Variants in PDE10A observed in about 807,000 individuals in gnomAD.
The protein encoded by PDE10A is phosphodiesterase 10A, also known as cAMP and cAMP-inhibited cGMP 3',5'-cyclic phosphodiesterase 10A.
PDE10A carries 39 observed loss-of-function variants against 97.7 expected under a neutral mutation model. That is an observed-to-expected ratio of 0.40 (90% confidence interval 0.31 to 0.52). The LOEUF is 0.52. Ranked by LOEUF, PDE10A falls within the 20% of genes least tolerant of loss-of-function variation. The pLI is 0.56. For synonymous variants in PDE10A, 371 were observed against 376.8 expected, an observed-to-expected ratio of 0.98 and a Z score of 0.18; for missense variants, 731 against 1,047.8, an observed-to-expected ratio of 0.70 and a Z score of 4.17.
intron 1 of PDE10A, among the ~76,000 whole-genome samples, chr6:165,565,764 A>T (rs375031332): frequency 5.3e-5 from 8 of 152,230 alleles, no homozygotes; most frequent in African/African-American, 1.9e-4. Flanking sequence ...CAGAGAGCCT[A>T]TAAACAGACC....
intron 1 of PDE10A, among the ~76,000 whole-genome samples, chr6:165,808,761 A>C (rs1412099666): frequency 6.6e-6 from 1 of 152,234 alleles, no homozygotes; most frequent in Non-Finnish European, 1.5e-5. Context: ...CAGTTGACTT[A>C]TTCTACGGCA....
At chr6:165,379,633 C>T (rs141511692) in intron 17 of PDE10A, among the ~76,000 whole-genome samples, 2 of 152,062 alleles carry the variant, frequency 1.3e-5, no homozygotes, top group African/African-American at 4.8e-5. Flanking sequence ...CATAAAACCC[C>T]AGTGATTTAA....
At chr6:165,707,144 C>G (rs1791730273) in intron 1 of PDE10A, among the ~76,000 whole-genome samples, 1 of 152,232 alleles carries the variant, frequency 6.6e-6, no homozygotes, top group Non-Finnish European at 1.5e-5. Flanking sequence ...ATTTGACCCT[C>G]AAAGTAGCTG....
intron 12 of PDE10A, among the ~76,000 whole-genome samples, chr6:165,414,006 T>C (rs1788114082): frequency 6.6e-6 from 1 of 152,174 alleles, no homozygotes; most frequent in Non-Finnish European, 1.5e-5. Flanking sequence ...AAACGTGGAT[T>C]CAGAGGAGAA....
At chr6:165,592,469 A>T (rs2128386306) in intron 1 of PDE10A, among the ~76,000 whole-genome samples, 1 of 152,342 alleles carries the variant, frequency 6.6e-6, no homozygotes, top group South Asian at 2.1e-4. Context: ...ATTAAACTAA[A>T]GAGCTTCTGC....
At chr6:165,356,684 A>C (rs1343931759) in intron 18 of PDE10A, among the ~76,000 whole-genome samples, 1 of 152,184 alleles carries the variant, frequency 6.6e-6, no homozygotes, top group Non-Finnish European at 1.5e-5. Context: ...TCATCCAACT[A>C]AAACTGGTAA....
intron 1 of PDE10A, among the ~76,000 whole-genome samples, chr6:165,732,104 A>G (rs538038443): frequency 6.6e-6 from 1 of 152,364 alleles, no homozygotes; most frequent in South Asian, 2.1e-4. Flanking sequence ...CATGACCATC[A>G]GGAAGCTGAA....
rs780627171 is a variant in PDE10A at position 165,379,383 on chromosome 6, A to T, written c.2611-17T>A. Reference sequence around the variant, plus strand: ...CCCTTCCAACTAGGGAAAAAATACAAATAAAAACCACCAATAACAAGCACA... The same window carrying T: ...CCCTTCCAACTAGGGAAAAAATACATATAAAAACCACCAATAACAAGCACA... On this transcript the variant is annotated splice_polypyrimidine_tract_variant and intron_variant, in intron 17 of 21. Coordinates refer to ENST00000539869, the MANE Select transcript of PDE10A (RefSeq NM_001385079.1). 276 of 1,592,798 alleles carry T rather than the reference A, an allele frequency of 1.7e-4. 2 individuals are homozygous for T. The South Asian group carries it at 2.9e-3, about 17-fold the overall frequency.
chr6:165,680,311 C>T (rs1790940881), intron 1 of PDE10A, among the ~76,000 whole-genome samples: 1 of 152,150 alleles, frequency 6.6e-6, no homozygotes, highest in African/African-American at 2.4e-5. Flanking sequence ...GTTGCTGCCA[C>T]AAAAGCAAGA....
chr6:165,420,030 C>T (rs1788585021), intron 10 of PDE10A, among the ~76,000 whole-genome samples: 1 of 152,304 alleles, frequency 6.6e-6, no homozygotes, highest in East Asian at 1.9e-4. Context: ...TACGCAGGGA[C>T]TGAGTATACT....
intron 17 of PDE10A, among the ~76,000 whole-genome samples, chr6:165,382,743 A>G (rs1336916661): frequency 1.3e-5 from 2 of 151,960 alleles, no homozygotes; most frequent in African/African-American, 4.8e-5. Context: ...ATGATTGATG[A>G]TGATGATGAT....
chr6:165,883,154 T>C (rs1781533590), intron 1 of PDE10A, among the ~76,000 whole-genome samples: 1 of 152,184 alleles, frequency 6.6e-6, no homozygotes, highest in Non-Finnish European at 1.5e-5. Context: ...GAGAATTGCT[T>C]GAACCTGGGA....
intron 2 of PDE10A, among the ~76,000 whole-genome samples, chr6:165,499,213 G>C (rs1003028228): frequency 2.0e-5 from 3 of 152,196 alleles, no homozygotes; most frequent in Admixed American, 6.5e-5. Context: ...CTGATCAGGG[G>C]ACCAGGGGAC....
At chr6:165,334,467 C>T (rs1473222037) in intron 21 of PDE10A, among the ~76,000 whole-genome samples, 5 of 151,988 alleles carry the variant, frequency 3.3e-5, no homozygotes, top group Non-Finnish European at 5.9e-5. Flanking sequence ...GCCTCCATAG[C>T]GCCCTACAGC....
intron 1 of PDE10A, among the ~76,000 whole-genome samples, chr6:165,557,422 A>C (rs1239882403): frequency 1.3e-5 from 2 of 152,170 alleles, no homozygotes; most frequent in Non-Finnish European, 2.9e-5. Context: ...CATTTAGTAA[A>C]ATATTGTTTA....
At chr6:165,547,354 C>T (rs1348447578) in intron 1 of PDE10A, among the ~76,000 whole-genome samples, 1 of 152,040 alleles carries the variant, frequency 6.6e-6, no homozygotes, top group African/African-American at 2.4e-5. Flanking sequence ...TATTGATAGA[C>T]TGAATGATCA....
At chr6:165,884,499 A>G (rs894931558) in intron 1 of PDE10A, among the ~76,000 whole-genome samples, 3 of 152,216 alleles carry the variant, frequency 2.0e-5, no homozygotes, top group African/African-American at 7.2e-5. Context: ...AGTTGAAATC[A>G]GAAGCCACGG....
At chr6:165,343,735 G>A (rs774382030) in intron 18 of PDE10A, among the ~76,000 whole-genome samples, 7 of 152,168 alleles carry the variant, frequency 4.6e-5, no homozygotes, top group Non-Finnish European at 1.0e-4. Context: ...ATATGTTCCT[G>A]TTGCCTCAAT....
intron 1 of PDE10A, among the ~76,000 whole-genome samples, chr6:165,756,857 G>C (rs1184670007): frequency 6.6e-6 from 1 of 152,082 alleles, no homozygotes; most frequent in Non-Finnish European, 1.5e-5. Flanking sequence ...CGGCATCTCA[G>C]TGAGGGAGAA....
Sources: gnomAD v4.1 joint callset for allele counts (sites outside exome capture counted in the v4.1 genomes callset) on GRCh38, gnomAD v4.1.1 for gene constraint, MANE v1.5 for transcripts, NCBI Gene and HGNC (gene_info 2026-07-23, HGNC 2026-07-21) for gene names.